The following ADARB1 variants were observed in gnomAD, a reference collection of about 807,000 sequenced individuals.
ADARB1 encodes adenosine deaminase RNA specific B1, also known as double-stranded RNA-specific editase 1.
A neutral mutation model predicts 52.4 loss-of-function variants in ADARB1; 10 were observed. The ratio of observed to expected loss-of-function variants is 0.19; its 90% confidence interval spans 0.12 to 0.32. ADARB1 has a LOEUF of 0.32. Among genes scored for constraint, ADARB1 ranks in the 10% least tolerant of loss-of-function variants. The probability of loss-of-function intolerance (pLI) is 1.00; values close to 1 mark genes in which losing one functional copy is unlikely to be tolerated. For missense variants in ADARB1, 643 were observed against 922.3 expected (o/e 0.70, Z 3.92); for synonymous variants, 349 against 371.1 (o/e 0.94, Z 0.68).
At chr21:45,140,418 G>A (rs886691209) in intron 2 of ADARB1, among the ~76,000 whole-genome samples, 3 of 152,218 alleles carry the variant, frequency 2.0e-5, no homozygotes, top group Non-Finnish European at 2.9e-5. Context: ...AGACCAGGCT[G>A]TGAGGTACAG....
At chr21:45,141,858 G>A (rs2089743329) in intron 2 of ADARB1, among the ~76,000 whole-genome samples, 1 of 151,982 alleles carries the variant, frequency 6.6e-6, no homozygotes, top group Non-Finnish European at 1.5e-5. Flanking sequence ...GCCACCCCAG[G>A]GTCTCCTTAG....
At chr21:45,155,851 C>A (rs2090548754) in intron 2 of ADARB1, among the ~76,000 whole-genome samples, 1 of 131,092 alleles carries the variant, frequency 7.6e-6, no homozygotes, top group Non-Finnish European at 1.6e-5. Context: ...CCCACCCACC[C>A]ATCATCCATT....
At position 45,157,801 on chromosome 21, in the gene ADARB1, G is replaced by A. The variant is rs373914304; in HGVS notation, c.-47-13809G>A. 2.4e-4 allele frequency among the ~76,000 whole-genome samples: 37 copies of A among 152,286 alleles called. 1 individual carries two copies. In the South Asian group the frequency reaches 7.5e-3, roughly 31 times the overall value. On this transcript the variant is annotated intron_variant, in intron 2 of 10. Coordinates refer to ENST00000348831, the MANE Select transcript of ADARB1 (RefSeq NM_001112.4). This position sits in a 1 kb window ranked among gnomAD's most constrained non-coding sequence, Gnocchi z 4.1. ...CAGCTGGCCCTCGAAGTCACTCAGG[G>A]ACCTAGGTTTCTTCCATCCTTAAGC...
At chr21:45,112,841 C>T (rs2087605246) in intron 1 of ADARB1, among the ~76,000 whole-genome samples, 1 of 152,038 alleles carries the variant, frequency 6.6e-6, no homozygotes, top group Non-Finnish European at 1.5e-5. Context: ...TCATGATCCC[C>T]AGAGTTATGA....
At position 45,223,314 on chromosome 21, in the gene ADARB1, G is replaced by T. The variant is rs1016250235; in HGVS notation, c.*1117G>T. On this transcript the variant is annotated 3_prime_UTR_variant, in exon 11 of 11. Coordinates refer to ENST00000348831, the MANE Select transcript of ADARB1 (RefSeq NM_001112.4). ...GCTGGTGAGACCACGTGCTGCTGGC[G>T]TAGTGTAGGCCAGACATTGACAGTC... The T allele has an allele frequency of 7.1e-6, 7 of 985,402 alleles. No homozygotes were observed. Among genetic ancestry groups the T allele is most frequent in the African/African-American group, 7.0e-5 (4 of 57,258 alleles). The allele number at this position is 985,402 out of a possible 1,614,324, so 61.0% of individuals were successfully genotyped here.
chr21:45,086,331 C>T (rs1438199009), intron 1 of ADARB1, among the ~76,000 whole-genome samples: 2 of 152,110 alleles, frequency 1.3e-5, no homozygotes, highest in Non-Finnish European at 2.9e-5. Context: ...CATTTTGAGG[C>T]GGTTTTGTTT....
At chr21:45,105,834 C>G (rs2087227325) in intron 1 of ADARB1, among the ~76,000 whole-genome samples, 1 of 152,234 alleles carries the variant, frequency 6.6e-6, no homozygotes, top group South Asian at 2.1e-4. Context: ...TTCCAAGAAG[C>G]TCACCACTGT....
At chr21:45,145,949 T>C (rs1239972933) in intron 2 of ADARB1, 1 of 152,278 alleles carries the variant, frequency 6.6e-6, no homozygotes, top group East Asian at 1.9e-4. Flanking sequence ...GCCAGTCATG[T>C]TGACCACGTT....
In ADARB1 at chr21:45,225,381, A is replaced by AT. The variant is rs1602105457; in HGVS notation, c.*3190dup. On this transcript the variant is annotated 3_prime_UTR_variant, in exon 11 of 11. Coordinates refer to ENST00000348831, the MANE Select transcript of ADARB1 (RefSeq NM_001112.4). ...TCATCATCTTTTCCTATTTTGGAGA[A>AT]TTTTTTGTAATTAAAAGCAATTATT... 2.4e-6 allele frequency: 3 copies of AT among 1,264,246 alleles called. No homozygotes were observed. The highest frequency in any genetic ancestry group is 3.1e-4 in the Middle Eastern group (1 of 3,262). The allele number at this position is 1,264,246 out of a possible 1,614,324, so 78.3% of individuals were successfully genotyped here. A position where few individuals can be genotyped will look rare whatever the true frequency, so the allele number is the denominator to read the frequency against.
chr21:45,098,524 G>A (rs1022237783), intron 1 of ADARB1, among the ~76,000 whole-genome samples: 12 of 152,200 alleles, frequency 7.9e-5, no homozygotes, highest in African/African-American at 2.7e-4. Context: ...CATCCTCTAG[G>A]TTCTCAGTGG....
chr21:45,176,659 C>A lies in ADARB1; in HGVS notation c.958C>A (p.Pro320Thr). Reference protein sequence around the residue: ...IPSEGLQLHLPQVLADAVSRL... With the variant: ...IPSEGLQLHLTQVLADAVSRL... Reference sequence around the variant, plus strand: ...CAGTGAGGGTCTTCAGCTGCATTTACCGCAGGTGAGGAACTATGCTGCTGC... The same window carrying A: ...CAGTGAGGGTCTTCAGCTGCATTTAACGCAGGTGAGGAACTATGCTGCTGC... The change falls in exon 4 of 11, where the codon CCG becomes ACG. Residue 320 changes from proline (P) to threonine (T), a missense_variant. Physicochemically the swap from Pro to Thr is conservative, Grantham distance 38 (BLOSUM62 -1). Around this residue, in one of 2 missense-constraint regions of ADARB1, gnomAD observed 380 missense variants for 446.5 expected, o/e 0.85. Coordinates refer to ENST00000348831, the MANE Select transcript of ADARB1 (RefSeq NM_001112.4). The surrounding 1 kb of genome is among the most constrained non-coding windows in gnomAD (Gnocchi z 5.8). 1 of 1,605,604 alleles carries A rather than the reference C, an allele frequency of 6.2e-7. No homozygotes were observed.
chr21:45,120,574 G>A (rs938442495), intron 1 of ADARB1, among the ~76,000 whole-genome samples: 1 of 152,130 alleles, frequency 6.6e-6, no homozygotes, highest in Admixed American at 6.5e-5. Flanking sequence ...CTTTGGTTCT[G>A]TTCATGATGG....
chr21:45,207,373 C>T (rs1428428034), intron 9 of ADARB1, among the ~76,000 whole-genome samples: 2 of 152,240 alleles, frequency 1.3e-5, no homozygotes, highest in Non-Finnish European at 2.9e-5. Flanking sequence ...AGCAGGACAG[C>T]GTAGCAGGAC....
At chr21:45,182,863 A>T in intron 6 of ADARB1, 110 bp downstream of exon 6, 1 of 1,096,794 alleles carries the variant, frequency 9.1e-7, no homozygotes, top group Non-Finnish European at 1.3e-6. Flanking sequence ...AAATCTCTCA[A>T]AATCATAACT....
At chr21:45,164,499 C>T (rs1233965109) in intron 2 of ADARB1, among the ~76,000 whole-genome samples, 4 of 126,654 alleles carry the variant, frequency 3.2e-5, no homozygotes, top group African/African-American at 1.2e-4. Flanking sequence ...AACAGGGAGA[C>T]AAATTGTGGA....
intron 2 of ADARB1, among the ~76,000 whole-genome samples, chr21:45,141,605 C>T (rs1449214399): frequency 1.3e-5 from 2 of 152,108 alleles, no homozygotes; most frequent in East Asian, 3.8e-4. Flanking sequence ...AGCATAGTAC[C>T]ACCTGAGCTA....
At chr21:45,217,131 T>G (rs2092879135) in intron 9 of ADARB1, among the ~76,000 whole-genome samples, 1 of 152,060 alleles carries the variant, frequency 6.6e-6, no homozygotes, top group African/African-American at 2.4e-5. Flanking sequence ...TTTATATGTT[T>G]GGATCTTGCT....
intron 1 of ADARB1, among the ~76,000 whole-genome samples, chr21:45,110,867 G>C (rs1449339126): frequency 2.0e-5 from 3 of 152,146 alleles, no homozygotes; most frequent in African/African-American, 7.2e-5. Flanking sequence ...GTACTCCTGA[G>C]TGCTGTGCTG....
intron 1 of ADARB1, among the ~76,000 whole-genome samples, chr21:45,100,318 C>T (rs1016149633): frequency 1.3e-5 from 2 of 152,100 alleles, no homozygotes; most frequent in Admixed American, 1.3e-4. Flanking sequence ...TGCACTGGCC[C>T]CCGTCAGTCA....
Sources: allele counts gnomAD v4.1 joint callset (sites outside exome capture counted in the v4.1 genomes callset), GRCh38; gene constraint gnomAD v4.1.1; regional missense constraint gnomAD v4.1.1; non-coding constraint Gnocchi (gnomAD v3.1); transcripts MANE v1.5; gene names NCBI Gene and HGNC (gene_info 2026-07-23, HGNC 2026-07-21).